FGGY: variants seen among roughly 807,000 people sequenced by gnomAD.
FGGY encodes FGGY carbohydrate kinase domain containing.
A neutral mutation model predicts 71.3 loss-of-function variants in FGGY; 72 were observed. The ratio of observed to expected loss-of-function variants is 1.01; its 90% CI spans 0.84 to 1.23. The LOEUF (loss-of-function observed/expected upper bound fraction) is 1.23. Among genes scored for constraint, FGGY ranks in the 50% most tolerant of loss-of-function variants. The pLI is 0.00. For synonymous variants in FGGY, 251 were observed against 250.3 expected, an observed-to-expected ratio of 1.00 and a Z score of -0.02; for missense variants, 668 against 682.3, an observed-to-expected ratio of 0.98 and a Z score of 0.23.
intron 11 of FGGY, among the ~76,000 whole-genome samples, chr1:59,653,998 A>G (rs990344839): frequency 6.6e-6 from 1 of 152,206 alleles, no homozygotes; most frequent in Non-Finnish European, 1.5e-5. Context: ...TCATCTGGCT[A>G]TTAAATAATT....
intron 14 of FGGY, among the ~76,000 whole-genome samples, chr1:59,709,066 A>G (rs933798799): frequency 4.6e-5 from 7 of 152,360 alleles, no homozygotes; most frequent in Admixed American, 3.9e-4. Context: ...ATACACACAC[A>G]TACACACACA....
At chr1:59,655,977 A>G (rs1472239559) in intron 11 of FGGY, among the ~76,000 whole-genome samples, 1 of 152,218 alleles carries the variant, frequency 6.6e-6, no homozygotes, top group African/African-American at 2.4e-5. Context: ...GAAAATCCCA[A>G]TATTTACATA....
At chr1:59,629,773 T>G (rs544606546) in intron 10 of FGGY, among the ~76,000 whole-genome samples, 1 of 152,326 alleles carries the variant, frequency 6.6e-6, no homozygotes, top group Admixed American at 6.5e-5. Flanking sequence ...ACATGTATCA[T>G]TGTGTGAAAC....
intron 4 of FGGY, among the ~76,000 whole-genome samples, chr1:59,354,317 G>A (rs1397733192): frequency 6.6e-6 from 1 of 152,156 alleles, no homozygotes; most frequent in African/African-American, 2.4e-5. Context: ...GAGTTCAAGT[G>A]ATCCACCCAC....
At chr1:59,592,355 A>G (rs1169737243) in intron 8 of FGGY, among the ~76,000 whole-genome samples, 1 of 152,072 alleles carries the variant, frequency 6.6e-6, no homozygotes. Context: ...AACTAGTTCA[A>G]CCATTGTGGA....
intron 14 of FGGY, among the ~76,000 whole-genome samples, chr1:59,686,884 A>C (rs1182001574): frequency 2.0e-5 from 3 of 152,360 alleles, no homozygotes; most frequent in Admixed American, 2.0e-4. Context: ...ATTAAATGAG[A>C]TGATATGCAA....
chr1:59,669,858 C>T (rs1216334166), intron 13 of FGGY, among the ~76,000 whole-genome samples: 2 of 152,208 alleles, frequency 1.3e-5, no homozygotes, highest in African/African-American at 4.8e-5. Flanking sequence ...CGCGCTGCAG[C>T]CCTGGACTTT....
At chr1:59,566,644 A>C (rs1201425915) in intron 8 of FGGY, among the ~76,000 whole-genome samples, 1 of 152,308 alleles carries the variant, frequency 6.6e-6, no homozygotes, top group Middle Eastern at 3.4e-3. Context: ...CAGATGAGAC[A>C]ATGAGTGGAC....
intron 14 of FGGY, among the ~76,000 whole-genome samples, chr1:59,736,435 T>A (rs1259825400): frequency 6.6e-6 from 1 of 152,044 alleles, no homozygotes; most frequent in Non-Finnish European, 1.5e-5. Flanking sequence ...CCCTAGAGAC[T>A]TGTTGAATGG....
At chr1:59,592,176 A>C (rs1454037369) in intron 8 of FGGY, among the ~76,000 whole-genome samples, 3 of 152,258 alleles carry the variant, frequency 2.0e-5, no homozygotes, top group African/African-American at 7.2e-5. Context: ...AAAAAAACAC[A>C]TGAAAAAATG....
At chr1:59,607,358 T>C (rs1232936040) in intron 8 of FGGY, among the ~76,000 whole-genome samples, 1 of 152,186 alleles carries the variant, frequency 6.6e-6, no homozygotes, top group East Asian at 1.9e-4. Context: ...AGACCTAGGC[T>C]TGGAAAACTG....
At chr1:59,692,109 A>G (rs1025888781) in intron 14 of FGGY, among the ~76,000 whole-genome samples, 3 of 152,192 alleles carry the variant, frequency 2.0e-5, no homozygotes, top group African/African-American at 7.2e-5. Context: ...AGTACAAATA[A>G]ATGTATCTTG....
intron 4 of FGGY, among the ~76,000 whole-genome samples, chr1:59,359,636 C>T (rs193252866): frequency 6.1e-4 from 93 of 152,272 alleles, no homozygotes; most frequent in African/African-American, 2.2e-3. Context: ...TCTGTTCATC[C>T]AGAATGGCCA....
At chr1:59,648,701 C>A (rs1437473634) in intron 11 of FGGY, among the ~76,000 whole-genome samples, 1 of 150,384 alleles carries the variant, frequency 6.6e-6, no homozygotes, top group Non-Finnish European at 1.5e-5. Flanking sequence ...TTGTAGGTTG[C>A]CTGTTCAGTC....
intron 8 of FGGY, among the ~76,000 whole-genome samples, chr1:59,581,093 G>C: frequency 7.3e-6 from 1 of 137,034 alleles, no homozygotes; most frequent in Non-Finnish European, 1.5e-5. Context: ...TGCTTTGGGG[G>C]AGAAGACCAA....
intron 5 of FGGY, among the ~76,000 whole-genome samples, chr1:59,405,620 A>T (rs1232643788): frequency 1.3e-5 from 2 of 152,166 alleles, no homozygotes; most frequent in Admixed American, 1.3e-4. Flanking sequence ...TTAGAGATGG[A>T]TGGGGAAGGT....
At chr1:59,683,580 G>T (rs2097522576) in intron 14 of FGGY, among the ~76,000 whole-genome samples, 1 of 152,192 alleles carries the variant, frequency 6.6e-6, no homozygotes, top group South Asian at 2.1e-4. Context: ...AATTCAGTTT[G>T]TTTCTAAGTG....
At chr1:59,560,259 T>G (rs1477137737) in intron 8 of FGGY, among the ~76,000 whole-genome samples, 1 of 152,196 alleles carries the variant, frequency 6.6e-6, no homozygotes, top group African/African-American at 2.4e-5. Flanking sequence ...ATAAAATACT[T>G]GACCAGTATT....
intron 14 of FGGY, among the ~76,000 whole-genome samples, chr1:59,706,488 T>TGG (rs1236268015): frequency 6.6e-6 from 1 of 152,214 alleles, no homozygotes; most frequent in Non-Finnish European, 1.5e-5. Context: ...TATCTGAATT[T>TGG]GGGCTTCTCA....
Sources: gnomAD v4.1 joint callset for allele counts (sites outside exome capture counted in the v4.1 genomes callset) on GRCh38, gnomAD v4.1.1 for gene constraint, MANE v1.5 for transcripts, NCBI Gene and HGNC (gene_info 2026-07-23, HGNC 2026-07-21) for gene names.